Variants in ABI3BP observed in about 807,000 individuals in gnomAD.
The protein encoded by ABI3BP is ABI family member 3 binding protein, also known as target of Nesh-SH3.
In ABI3BP, 216 loss-of-function variants were observed where a neutral mutation model predicts 268.6. The observed-to-expected ratio is 0.80, with a 90% CI of 0.72 to 0.90. The LOEUF (loss-of-function observed/expected upper bound fraction) is 0.90, where lower values mean the gene tolerates loss of function less well. ABI3BP is among the 40% of genes least tolerant of loss of function. ABI3BP has a pLI of 0.00. For missense variants in ABI3BP, 2,090 were observed against 2,182.4 expected, an observed-to-expected ratio of 0.96 and a Z score of 0.84; for synonymous variants, 730 against 730.0, an observed-to-expected ratio of 1.00 and a Z score of 0.00.
Position 100,911,908 on chromosome 3 carries a change from TC to T in ABI3BP, c.260-9223del, listed in dbSNP as rs1401230178. ...CAGAATTTGTACCAACCTATCACAT[TC>T]TTTTTGACATTGGAGAATATTTTCT... On this transcript the variant is annotated intron_variant, in intron 2 of 67. Transcript: ENST00000471714. 5 of 1,389,666 alleles carry T rather than the reference TC, an allele frequency of 3.6e-6. No individual in the cohort carries two copies. In the African/African-American group the frequency reaches 5.7e-5, roughly 16 times the overall value. The allele number at this position is 1,389,666 out of a possible 1,614,324, so 86.1% of individuals were successfully genotyped here. A position where few individuals can be genotyped will look rare whatever the true frequency, so the allele number is the denominator to read the frequency against.
intron 55 of ABI3BP, among the ~76,000 whole-genome samples, chr3:100,790,243 G>A (rs1446742610): frequency 6.6e-6 from 1 of 151,978 alleles, no homozygotes; most frequent in Admixed American, 6.6e-5. Context: ...AAACTTGTGA[G>A]AACCTGCTGA....
chr3:100,992,790 G>A lies in ABI3BP; in HGVS notation c.79+516C>T, dbSNP rs140202240. On this transcript the variant is annotated intron_variant, in intron 1 of 67. Transcript: ENST00000471714. ...AAGCCCTCTTCCAAACTCCACTGGA[G>A]GGACGTGTCTGCAAATCAGCACATG... Among the ~76,000 whole-genome samples, 718 of 152,324 alleles carry A rather than the reference G, an allele frequency of 4.7e-3. 3 individuals carry two copies. The highest frequency in any genetic ancestry group is 0.016 in the African/African-American group (658 of 41,568).
intron 26 of ABI3BP, 58 bp from the exon 27 acceptor site, chr3:100,837,229 G>T (rs2098607587): frequency 7.2e-7 from 1 of 1,395,356 alleles, no homozygotes; most frequent in East Asian, 2.5e-5. Flanking sequence ...CTAAACTTTT[G>T]GGTGCTCATT....
intron 1 of ABI3BP, among the ~76,000 whole-genome samples, chr3:100,928,836 T>G (rs2062702099): frequency 6.6e-6 from 1 of 152,062 alleles, no homozygotes; most frequent in Non-Finnish European, 1.5e-5. Flanking sequence ...CTGAGAACTT[T>G]GTAACTATCC....
At chr3:100,897,212 A>C (rs2048126792) in intron 4 of ABI3BP, among the ~76,000 whole-genome samples, 1 of 152,202 alleles carries the variant, frequency 6.6e-6, no homozygotes, top group Admixed American at 6.5e-5. Context: ...GCTGCTTTAG[A>C]ATGTGGAGCA....
chr3:100,935,083 T>G (rs2153684594), intron 1 of ABI3BP, among the ~76,000 whole-genome samples: 1 of 152,258 alleles, frequency 6.6e-6, no homozygotes, highest in South Asian at 2.1e-4. Context: ...ATTGCCTAGG[T>G]TTTCTTCTAG....
At chr3:100,910,419 T>TAA (rs11356784) in intron 2 of ABI3BP, among the ~76,000 whole-genome samples, 2 of 151,576 alleles carry the variant, frequency 1.3e-5, no homozygotes, top group African/African-American at 4.9e-5. Flanking sequence ...TTAAAAAAGG[T>TAA]AAAAAAAAAA....
rs372610016 is a variant in ABI3BP, at chr3:100,794,906, A to G, written c.3946+17T>C. ...AAAGGCAAGCTCTCTTTGAACAAAT[A>G]TTAAAACGAAATTTACCCAGAGTGG... On this transcript the variant is annotated intron_variant, in intron 54 of 67. Transcript: ENST00000471714. 6.5e-7 allele frequency: 1 copy of G among 1,544,314 alleles called. No homozygotes were observed. The highest frequency in any genetic ancestry group is 8.8e-7 in the Non-Finnish European group (1 of 1,139,074).
At chr3:100,816,649 G>A (rs1268586379) in intron 43 of ABI3BP, 39 bp downstream of exon 43, 1 of 1,481,862 alleles carries the variant, frequency 6.7e-7, no homozygotes, top group South Asian at 1.2e-5. Flanking sequence ...CCAGGGTTCA[G>A]GTTCCTTGGC....
intron 61 of ABI3BP, among the ~76,000 whole-genome samples, chr3:100,773,543 CT>C (rs900254212): frequency 1.3e-5 from 2 of 152,144 alleles, no homozygotes; most frequent in East Asian, 3.8e-4. Context: ...GGAAAACAGT[CT>C]TTTAAAATGT....
In ABI3BP at chr3:100,850,155, C is replaced by T. The variant is rs1340155973; in HGVS notation, c.1427-36G>A. The T allele has an allele frequency of 2.5e-6, 4 of 1,574,490 alleles. No individual in the cohort carries two copies. The Admixed American group carries it at 7.2e-5, about 28-fold the overall frequency. On this transcript the variant is annotated intron_variant, in intron 16 of 67. Coordinates refer to ENST00000471714, the MANE Select transcript of ABI3BP (RefSeq NM_001375547.2). Reference sequence around the variant, plus strand: ...AAACACCCCAACCCATCAAATAATCCCAGTTAAAATGAGGTATTTGAAGAA... The same window carrying T: ...AAACACCCCAACCCATCAAATAATCTCAGTTAAAATGAGGTATTTGAAGAA...
At chr3:100,944,823 T>C (rs753691619) in intron 1 of ABI3BP, among the ~76,000 whole-genome samples, 1 of 152,164 alleles carries the variant, frequency 6.6e-6, no homozygotes, top group South Asian at 2.1e-4. Flanking sequence ...ATGGCTAAAC[T>C]TATCCTGAGA....
chr3:100,763,148 T>C (rs920938028), intron 63 of ABI3BP, among the ~76,000 whole-genome samples: 2 of 152,132 alleles, frequency 1.3e-5, no homozygotes, highest in African/African-American at 4.8e-5. Flanking sequence ...TGATTTAACA[T>C]TGCTTTTTCC....
At chr3:100,942,199 GT>G (rs562911136) in intron 1 of ABI3BP, among the ~76,000 whole-genome samples, 77 of 152,214 alleles carry the variant, frequency 5.1e-4, no homozygotes, top group African/African-American at 1.7e-3. Context: ...AGTACATTGG[GT>G]AGATGAATAA....
rs138421030 is a variant in ABI3BP at position 100,790,064 on chromosome 3, T to C, written c.4025-548A>G. ...ATTCACTCAGTGTCATCCATAATGC[T>C]GTAGAAATGACAGAAAATGACATCT... On this transcript the variant is annotated intron_variant, in intron 55 of 67. Transcript: ENST00000471714. 2.5e-3 allele frequency among the ~76,000 whole-genome samples: 376 copies of C among 152,090 alleles called. 5 individuals carry two copies. Among genetic ancestry groups the C allele is most frequent in the African/African-American group, 8.5e-3 (352 of 41,520 alleles).
chr3:100,868,647 A>G (rs1017136123), intron 9 of ABI3BP, among the ~76,000 whole-genome samples: 3 of 152,204 alleles, frequency 2.0e-5, no homozygotes, highest in African/African-American at 7.2e-5. Context: ...CTAGATAGCT[A>G]ATTTTCAGGA....
At chr3:100,867,089 G>A (rs1452403852) in intron 9 of ABI3BP, 133 bp from the exon 10 acceptor site, 18 of 648,574 alleles carry the variant, frequency 2.8e-5, no homozygotes, top group East Asian at 2.5e-4. Flanking sequence ...CAACTTTATT[G>A]TGTATCTCTA....
At chr3:100,838,152 T>G in intron 26 of ABI3BP, 58 bp downstream of exon 26, 1 of 1,447,994 alleles carries the variant, frequency 6.9e-7, no homozygotes, top group Non-Finnish European at 9.4e-7. Flanking sequence ...TGGAAACATT[T>G]TCAGCAATGT....
intron 56 of ABI3BP, among the ~76,000 whole-genome samples, chr3:100,789,040 TGA>T (rs1400950694): frequency 6.6e-6 from 1 of 152,116 alleles, no homozygotes. Context: ...TTTTATTCTC[TGA>T]AGGAATCAAG....
Sources: allele counts gnomAD v4.1 joint callset (sites outside exome capture counted in the v4.1 genomes callset), GRCh38; gene constraint gnomAD v4.1.1; transcripts MANE v1.5; gene names NCBI Gene and HGNC (gene_info 2026-07-23, HGNC 2026-07-21).